PGAP4: variants seen among roughly 807,000 people sequenced by gnomAD.
PGAP4 encodes GPI-N-acetylgalactosamine transferase PGAP4.
PGAP4 carries 12 observed loss-of-function variants against 28.2 expected under a neutral mutation model. The ratio of observed to expected loss-of-function variants is 0.42; its 90% CI spans 0.27 to 0.69. PGAP4 has a LOEUF of 0.69. Ranked by LOEUF, PGAP4 falls within the 30% of genes least tolerant of loss-of-function variation. The pLI, the probability that PGAP4 is intolerant of heterozygous loss-of-function variation, is 0.22. For synonymous variants in PGAP4, 205 were observed against 211.8 expected (o/e 0.97, Z 0.28); for missense variants, 425 against 513.5 (o/e 0.83, Z 1.67).
At chr9:101,509,696 A>T (rs1826878675) in intron 2 of PGAP4, among the ~76,000 whole-genome samples, 1 of 152,106 alleles carries the variant, frequency 6.6e-6, no homozygotes, top group Non-Finnish European at 1.5e-5. Flanking sequence ...AGTTCAGGTG[A>T]TGTTTCTCAG....
In PGAP4 at chr9:101,492,563, C is replaced by T. The variant is rs148773195; in HGVS notation, c.-164-3363G>A. Among the ~76,000 whole-genome samples the T allele has an allele frequency of 5.5e-3, 842 of 152,228 alleles. 1 individual carries two copies. Among genetic ancestry groups the T allele is most frequent in the Non-Finnish European group, 9.0e-3 (611 of 68,006 alleles). On this transcript the variant is annotated intron_variant, in intron 2 of 3. Transcript: ENST00000374851. ...GACTGGACATTGTAATGTATTGTAG[C>T]AACTCTGAATTCTGTTACATTTTCC...
intron 1 of PGAP4, chr9:101,481,304 T>G (rs2118530111): frequency 6.6e-6 from 1 of 152,304 alleles, no homozygotes; most frequent in Admixed American, 6.5e-5. Context: ...CCCAGCCCAA[T>G]CATAAGGGTG....
intron 2 of PGAP4, among the ~76,000 whole-genome samples, chr9:101,504,347 G>A (rs1005581327): frequency 1.3e-5 from 2 of 151,074 alleles, no homozygotes; most frequent in South Asian, 2.1e-4. Context: ...GTATTTGTAG[G>A]TGGGATGCTG....
rs1251204963 is a variant in PGAP4, at chr9:101,476,088, T to C, written c.1005A>G (p.Pro335=). Residue 335 remains proline, a synonymous_variant, in exon 2 of 2, where the codon CCA becomes CCG. Transcript: ENST00000374848. This position sits in a 1 kb window ranked among gnomAD's most constrained non-coding sequence, Gnocchi z 7.0. ...SVVPASQCCT[P]AMLFPAPAAR... is the part of the protein sequence containing the mutation. ...CCGCAGGTGCCGGGAAGAGCATGGCTGGGGTGCAACACTGAGAGGCAGGAA... is the reference window on the plus strand; with the variant it reads ...CCGCAGGTGCCGGGAAGAGCATGGCCGGGGTGCAACACTGAGAGGCAGGAA... 6.2e-7 allele frequency: 1 copy of C among 1,613,990 alleles called. No homozygotes were observed. The highest frequency in any genetic ancestry group is 1.7e-5 in the Admixed American group (1 of 60,010).
At chr9:101,493,392 C>T (rs903966654) in intron 2 of PGAP4, among the ~76,000 whole-genome samples, 9 of 152,054 alleles carry the variant, frequency 5.9e-5, no homozygotes, top group Admixed American at 4.6e-4. Context: ...AGTAGTTTAG[C>T]AGTCAGCCAT....
At chr9:101,530,047 C>A (rs1400089846) in intron 2 of PGAP4, among the ~76,000 whole-genome samples, 1 of 152,172 alleles carries the variant, frequency 6.6e-6, no homozygotes, top group Non-Finnish European at 1.5e-5. Flanking sequence ...ATCCAGATTT[C>A]ATGGAATATT....
chr9:101,474,089 C>T lies in PGAP4; in HGVS notation c.*1792G>A, dbSNP rs1826227811. On this transcript the variant is annotated 3_prime_UTR_variant, in exon 2 of 2. Transcript: ENST00000374848. The stretch of plus-strand genomic sequence containing the variant: ...TCAGATTTTACAAAAGAGACTTTGA[C>T]CACATAGATATTCATAAAATTAATG... 2 of 152,186 alleles carry T rather than the reference C, an allele frequency of 1.3e-5. No homozygotes were observed. Among genetic ancestry groups the T allele is most frequent in the Admixed American group, 6.5e-5 (1 of 15,272 alleles). 9.4% of individuals were successfully genotyped at this position (152,186 alleles called of 1,614,324 possible).
chr9:101,519,706 T>C (rs548991710), intron 2 of PGAP4, among the ~76,000 whole-genome samples: 24 of 151,580 alleles, frequency 1.6e-4, no homozygotes, highest in African/African-American at 5.8e-4. Context: ...CACACACATA[T>C]ATATATAAAA....
intron 2 of PGAP4, among the ~76,000 whole-genome samples, chr9:101,499,329 A>G (rs1588205812): frequency 2.6e-5 from 4 of 152,040 alleles, no homozygotes; most frequent in Middle Eastern, 3.4e-3. Context: ...AAAGCCATCA[A>G]TTTCTTCCAA....
chr9:101,498,261 A>G (rs1235663237), intron 2 of PGAP4, among the ~76,000 whole-genome samples: 4 of 151,950 alleles, frequency 2.6e-5, no homozygotes, highest in Non-Finnish European at 5.9e-5. Context: ...ACTAAAGCAA[A>G]TTAGTAAAAC....
chr9:101,498,863 T>TTTATTTAATTTA (rs1826774101), intron 2 of PGAP4, among the ~76,000 whole-genome samples: 1 of 152,054 alleles, frequency 6.6e-6, no homozygotes, highest in Non-Finnish European at 1.5e-5. Flanking sequence ...AGCTATCTTG[T>TTTATTTAATTTA]GTCTACTGTT....
chr9:101,531,612 T>A (rs1158342536), intron 1 of PGAP4: 5 of 152,230 alleles, frequency 3.3e-5, no homozygotes, highest in African/African-American at 9.6e-5. Context: ...TTCACCCTGA[T>A]TAAAGTGTCA....
chr9:101,519,672 C>CAT (rs906636588), intron 2 of PGAP4, among the ~76,000 whole-genome samples: 30 of 150,670 alleles, frequency 2.0e-4, no homozygotes, highest in African/African-American at 3.2e-4. Context: ...TATATACACA[C>CAT]ATACATATAT....
At chr9:101,517,103 A>G (rs1826950060) in intron 2 of PGAP4, among the ~76,000 whole-genome samples, 1 of 152,230 alleles carries the variant, frequency 6.6e-6, no homozygotes, top group African/African-American at 2.4e-5. Flanking sequence ...ACTAAATTGC[A>G]GTAACTGAAA....
At chr9:101,512,270 G>GC (rs1303976327) in intron 2 of PGAP4, among the ~76,000 whole-genome samples, 1 of 151,970 alleles carries the variant, frequency 6.6e-6, no homozygotes, top group Non-Finnish European at 1.5e-5. Flanking sequence ...ACCCCGCCCT[G>GC]CCCGTCCCAA....
At chr9:101,494,507 G>T (rs7850864) in intron 2 of PGAP4, among the ~76,000 whole-genome samples, 6 of 151,464 alleles carry the variant, frequency 4.0e-5, no homozygotes, top group African/African-American at 1.5e-4. Context: ...AACATTATTC[G>T]TATCAATTAT....
intron 2 of PGAP4, among the ~76,000 whole-genome samples, chr9:101,528,938 T>C (rs77153735): frequency 0.15 from 21,985 of 151,600 alleles, 1,753 homozygotes; most frequent in East Asian, 0.23. Flanking sequence ...ATCCTCTCCC[T>C]CCTCCCACCC....
rs1826203668 is a variant in PGAP4 at position 101,473,202 on chromosome 9, G to C, written c.*2679C>G. On this transcript the variant is annotated 3_prime_UTR_variant, in exon 2 of 2. Coordinates refer to ENST00000374848, the MANE Select transcript of PGAP4 (RefSeq NM_032342.3). ...CAAAATGGGTGCTTTTATTTTCACA[G>C]ACATGTCTATGCAATACACTCAGTC... 6.6e-6 allele frequency: 1 copy of C among 152,230 alleles called. No individual in the cohort carries two copies. The highest frequency in any genetic ancestry group is 6.5e-5 in the Admixed American group (1 of 15,290). 9.4% of individuals were successfully genotyped at this position (152,230 alleles called of 1,614,324 possible).
At chr9:101,510,958 C>G (rs899459286) in intron 2 of PGAP4, among the ~76,000 whole-genome samples, 1 of 152,160 alleles carries the variant, frequency 6.6e-6, no homozygotes, top group Non-Finnish European at 1.5e-5. Flanking sequence ...TATGAGTCTA[C>G]AAGCAATTGA....
Sources: allele counts gnomAD v4.1 joint callset (sites outside exome capture counted in the v4.1 genomes callset), GRCh38; gene constraint gnomAD v4.1.1; non-coding constraint Gnocchi (gnomAD v3.1); transcripts MANE v1.5; gene names NCBI Gene and HGNC (gene_info 2026-07-23, HGNC 2026-07-21).